Variants in CENPN observed in about 807,000 individuals in gnomAD.
The protein encoded by CENPN is interphase centromere complex protein 32.
In CENPN, 36 loss-of-function variants were observed where a neutral mutation model predicts 48.6. The ratio of observed to expected loss-of-function variants is 0.74; its 90% CI spans 0.57 to 0.98. CENPN has a LOEUF of 0.98. Ranked by LOEUF, CENPN falls within the 50% of genes least tolerant of loss-of-function variation. The pLI is 0.00. For missense variants in CENPN, 439 were observed against 399.2 expected, an observed-to-expected ratio of 1.10 and a Z score of -0.85; for synonymous variants, 166 against 135.2, an observed-to-expected ratio of 1.23 and a Z score of -1.58.
At chr16:81,015,545 C>A (rs1392367610) in intron 3 of CENPN, among the ~76,000 whole-genome samples, 1 of 152,206 alleles carries the variant, frequency 6.6e-6, no homozygotes, top group Non-Finnish European at 1.5e-5. Context: ...CAAAAATTAT[C>A]TTTATTAATA....
At chr16:81,010,220 T>C (rs1291581539) in intron 1 of CENPN, among the ~76,000 whole-genome samples, 1 of 151,990 alleles carries the variant, frequency 6.6e-6, no homozygotes, top group Non-Finnish European at 1.5e-5. Flanking sequence ...TAAATAAATA[T>C]CATGTTTGCT....
chr16:81,022,751 A>C (rs1970273972), intron 7 of CENPN, 53 bp downstream of exon 7: 2 of 1,613,990 alleles, frequency 1.2e-6, no homozygotes, highest in Non-Finnish European at 1.7e-6. Context: ...TCTCTTTGAC[A>C]CAGGAGTTAG....
chr16:81,023,067 C>T lies in CENPN; in HGVS notation c.633+369C>T. On this transcript the variant is annotated intron_variant, in intron 7 of 10. Transcript: ENST00000305850. Reference sequence around the variant, plus strand: ...GTAGAATTAACTTTTTGTCCCATCACTCAAGCAGGTTATACAGGCACTGGA... The same window carrying T: ...GTAGAATTAACTTTTTGTCCCATCATTCAAGCAGGTTATACAGGCACTGGA... 8.0e-6 allele frequency: 4 copies of T among 503,074 alleles called. No homozygotes were observed. The South Asian group carries it at 8.7e-5, about 11-fold the overall frequency. 31.2% of individuals were successfully genotyped at this position (503,074 alleles called of 1,614,324 possible). A position where few individuals can be genotyped will look rare whatever the true frequency, so the allele number is the denominator to read the frequency against.
At chr16:81,014,660 T>C (rs1281382011) in intron 3 of CENPN, among the ~76,000 whole-genome samples, 1 of 152,150 alleles carries the variant, frequency 6.6e-6, no homozygotes, top group African/African-American at 2.4e-5. Context: ...GCAGAGATAA[T>C]AGTACATTAT....
chr16:81,011,998 A>G lies in CENPN; in HGVS notation c.59A>G (p.Glu20Gly), dbSNP rs780615772. The G allele has an allele frequency of 6.2e-7, 1 of 1,614,166 alleles. No individual in the cohort carries two copies. Among genetic ancestry groups the G allele is most frequent in the South Asian group, 1.1e-5 (1 of 91,084 alleles). ...KRTILKIPMN[E>G]LTTILKAWDF... Reference sequence around the variant, plus strand: ...ACCATCTTGAAAATCCCCATGAATGAACTGACAACAATCCTGAAGGCCTGG... The same window carrying G: ...ACCATCTTGAAAATCCCCATGAATGGACTGACAACAATCCTGAAGGCCTGG... Residue 20 changes from glutamate (E) to glycine (G), a missense_variant, in exon 2 of 11, where the codon GAA (glutamate) becomes GGA (glycine). Glu to Gly is a moderately conservative substitution (Grantham distance 98). Coordinates refer to ENST00000305850, the MANE Select transcript of CENPN (RefSeq NM_001100624.3).
rs1567551018 is a variant in CENPN, at chr16:81,020,106, G to A, written c.361G>A (p.Val121Ile). Residue 121 changes from valine to isoleucine, a missense_variant, in exon 6 of 11, where the codon GTC (valine) becomes ATC (isoleucine). Transcript: ENST00000305850. The part of the protein sequence containing the change: ...ILQRALKNVT[V>I]SFRETEENAV... The stretch of plus-strand genomic sequence containing the variant: ...TTTTTTTTTCTTTAATAAGGTGACA[G>A]TCAGCTTCAGAGAAACTGAGGAGAA... The A allele has an allele frequency of 1.3e-6, 2 of 1,599,766 alleles. No individual in the cohort carries two copies. Among genetic ancestry groups the A allele is most frequent in the Non-Finnish European group, 1.7e-6 (2 of 1,175,916 alleles).
intron 2 of CENPN, among the ~76,000 whole-genome samples, 167 bp from the exon 3 acceptor site, chr16:81,013,969 C>T (rs1969841328): frequency 6.6e-6 from 1 of 152,074 alleles, no homozygotes; most frequent in African/African-American, 2.4e-5. Flanking sequence ...AGACATGAAT[C>T]AGAAAGAATG....
At chr16:81,019,212 T>C (rs915851472) in intron 5 of CENPN, among the ~76,000 whole-genome samples, 6 of 152,128 alleles carry the variant, frequency 3.9e-5, no homozygotes, top group African/African-American at 1.2e-4. Flanking sequence ...TTCTTCTTTT[T>C]GTTTTGTTTT....
chr16:81,025,268 A>T (rs1410651323), intron 8 of CENPN, among the ~76,000 whole-genome samples: 1 of 152,260 alleles, frequency 6.6e-6, no homozygotes, highest in Non-Finnish European at 1.5e-5. Context: ...AATGAGAATC[A>T]TGACTGTATT....
intron 8 of CENPN, among the ~76,000 whole-genome samples, chr16:81,026,165 ATGTGTATATATATGTG>A (rs1429930495): frequency 7.5e-5 from 11 of 146,518 alleles, no homozygotes; most frequent in African/African-American, 2.8e-4. Context: ...GTGTATATAT[ATGTGTATATATATGTG>A]TGTGTATATA....
chr16:81,020,104 C>CA lies in CENPN; in HGVS notation c.360dup (p.Val121SerfsTer7). 6.3e-7 allele frequency: 1 copy of CA among 1,594,800 alleles called. No homozygotes were observed. Among genetic ancestry groups the CA allele is most frequent in the East Asian group, 2.2e-5 (1 of 44,610 alleles). On this transcript the variant is annotated frameshift_variant, in exon 6 of 11. Transcript: ENST00000305850. LOFTEE classifies it high-confidence loss of function. The stretch of plus-strand genomic sequence containing the variant: ...TTTTTTTTTTTCTTTAATAAGGTGA[C>CA]AGTCAGCTTCAGAGAAACTGAGGAG...
chr16:81,011,845 A>C (rs970056283), intron 1 of CENPN, 85 bp from the exon 2 acceptor site: 6 of 1,120,890 alleles, frequency 5.4e-6, no homozygotes, highest in Non-Finnish European at 6.4e-6. Flanking sequence ...TCTATTTTTC[A>C]TATGTGTATG....
rs534762750 is a variant in CENPN, at chr16:81,022,647, A to G, written c.582A>G (p.Arg194=). Residue 194 remains arginine (R), a synonymous_variant, in exon 7 of 11, where the codon AGA becomes AGG. Coordinates refer to ENST00000305850, the MANE Select transcript of CENPN (RefSeq NM_001100624.3). ...ATCAGATTGTGAAAATGGACCTGAGAAGTCGGTATCTGGACTCTCTTAAGG... is the reference window on the plus strand; with the variant it reads ...ATCAGATTGTGAAAATGGACCTGAGGAGTCGGTATCTGGACTCTCTTAAGG... ...KHHQIVKMDL[R]SRYLDSLKAI... 1.1e-5 allele frequency: 18 copies of G among 1,614,112 alleles called. No individual in the cohort carries two copies. In the East Asian group the frequency reaches 3.8e-4, roughly 34 times the overall value.
chr16:81,027,049 C>T (rs777612460), intron 9 of CENPN, among the ~76,000 whole-genome samples: 56 of 152,010 alleles, frequency 3.7e-4, no homozygotes, highest in Non-Finnish European at 6.5e-4. Context: ...CACCTTGCCT[C>T]GGCCTCCCAA....
intron 5 of CENPN, 125 bp from the exon 6 acceptor site, chr16:81,019,975 C>T (rs1216645799): frequency 6.9e-6 from 4 of 582,688 alleles, no homozygotes; most frequent in Non-Finnish European, 1.1e-5. Context: ...GAAAAGACTG[C>T]CAGGTCTCAA....
intron 2 of CENPN, among the ~76,000 whole-genome samples, chr16:81,012,553 T>G (rs1057226373): frequency 2.0e-5 from 3 of 152,202 alleles, no homozygotes; most frequent in African/African-American, 7.2e-5. Context: ...TCAAATAATT[T>G]TCTTATTCCA....
At position 81,031,148 on chromosome 16, in the gene CENPN, T is replaced by G. The variant is rs1043413613; in HGVS notation, c.*2497T>G. 7 of 151,828 alleles carry G rather than the reference T, an allele frequency of 4.6e-5. No individual in the cohort carries two copies. The highest frequency in any genetic ancestry group is 1.7e-4 in the African/African-American group (7 of 41,378). 9.4% of individuals were successfully genotyped at this position (151,828 alleles called of 1,614,324 possible). A position where few individuals can be genotyped will look rare whatever the true frequency, so the allele number is the denominator to read the frequency against. On this transcript the variant is annotated 3_prime_UTR_variant, in exon 11 of 11. Transcript: ENST00000305850. ...TCTAAAAAGGACTCCCTACATGACC[T>G]GCAACTTGAAAAAAAATTAAAAGCT...
intron 3 of CENPN, among the ~76,000 whole-genome samples, chr16:81,016,398 A>G (rs991823305): frequency 1.3e-5 from 2 of 152,232 alleles, no homozygotes; most frequent in Non-Finnish European, 2.9e-5. Flanking sequence ...TGGGACTACA[A>G]CAGTGAACAG....
rs1400306715 is a variant in CENPN at position 81,011,073 on chromosome 16, C to T, written c.-10-857C>T. On this transcript the variant is annotated intron_variant, in intron 1 of 10. Coordinates refer to ENST00000305850, the MANE Select transcript of CENPN (RefSeq NM_001100624.3). ...CCTCCATGATGACTGACCTCACCTC[C>T]TTCTCTATGCCTCCTTCCTGTCTCT... is the stretch of plus-strand genomic sequence containing the variant. Among the ~76,000 whole-genome samples the T allele has an allele frequency of 2.0e-5, 3 of 152,192 alleles. No individual in the cohort carries two copies. In the South Asian group the frequency reaches 6.2e-4, roughly 31 times the overall value.
Sources: gnomAD v4.1 joint callset for allele counts (sites outside exome capture counted in the v4.1 genomes callset) on GRCh38, gnomAD v4.1.1 for gene constraint, MANE v1.5 for transcripts, NCBI Gene and HGNC (gene_info 2026-07-23, HGNC 2026-07-21) for gene names.